The following GSDMB variants were observed in gnomAD, a reference collection of about 807,000 sequenced individuals.
GSDMB encodes the protein gasdermin B.
GSDMB carries 32 observed loss-of-function variants against 42.9 expected under a neutral mutation model. The ratio of observed to expected loss-of-function variants is 0.75; its 90% confidence interval spans 0.56 to 1.00. The LOEUF is 1.00. Among genes scored for constraint, GSDMB ranks in the 50% least tolerant of loss-of-function variants. The pLI, the probability that GSDMB is intolerant of heterozygous loss-of-function variation, is 0.00. For missense variants in GSDMB, 468 were observed against 498.5 expected (o/e 0.94, Z 0.58); for synonymous variants, 175 against 193.7 (o/e 0.90, Z 0.80).
chr17:39,907,026 C>T, intron 6 of GSDMB, 39 bp from the exon 7 acceptor site: 3 of 1,613,572 alleles, frequency 1.9e-6, no homozygotes, highest in Non-Finnish European at 2.5e-6. Context: ...ATCTTCAGAT[C>T]ACCTCCAGTC....
intron 3 of GSDMB, among the ~76,000 whole-genome samples, chr17:39,911,349 GA>G (rs1370789240): frequency 7.2e-6 from 1 of 138,060 alleles, no homozygotes; most frequent in African/African-American, 2.7e-5. Context: ...AAAAGGAAAA[GA>G]AAAAAGGTAC....
chr17:39,917,153 C>T lies in GSDMB; in HGVS notation c.164G>A (p.Gly55Asp), dbSNP rs140887150. The change falls in exon 2 of 11, where the codon GGC (glycine) becomes GAC (aspartate). Residue 55 changes from glycine (G) to aspartate (D), a missense_variant. Coordinates refer to ENST00000418519, the MANE Select transcript of GSDMB (RefSeq NM_001165958.2). ...TFFGCRHYTTGLTLMDILDTD... is the reference protein window; with the variant it reads ...TFFGCRHYTTDLTLMDILDTD... ...GTCCAGAATGTCCATCAGGGTGAGG[C>T]CTGTTGTGTAGTGCCGGCATCCAAA... is the stretch of plus-strand genomic sequence containing the variant. 9 of 1,613,992 alleles carry T rather than the reference C, an allele frequency of 5.6e-6. No individual in the cohort carries two copies. The highest frequency in any genetic ancestry group is 3.3e-5 in the Admixed American group (2 of 59,996).
At chr17:39,915,398 A>G (rs1249243819) in intron 2 of GSDMB, among the ~76,000 whole-genome samples, 2 of 152,240 alleles carry the variant, frequency 1.3e-5, no homozygotes, top group Non-Finnish European at 2.9e-5. Context: ...TTTTCTTTTT[A>G]AGTTTGGTTT....
intron 6 of GSDMB, 141 bp from the exon 7 acceptor site, chr17:39,907,128 C>A (rs883770): frequency 6.7e-7 from 1 of 1,497,066 alleles, no homozygotes; most frequent in Admixed American, 2.1e-5. Flanking sequence ...TCCTCACCAG[C>A]GTGTGTCAAT....
intron 7 of GSDMB, chr17:39,906,611 A>G: frequency 7.7e-7 from 1 of 1,301,756 alleles, no homozygotes. Context: ...GGATTTGGAG[A>G]AAGTTAAAGC....
At chr17:39,908,025 A>G (rs998394676) in intron 6 of GSDMB, 151 bp downstream of exon 6, 5 of 640,160 alleles carry the variant, frequency 7.8e-6, no homozygotes, top group African/African-American at 1.8e-5. Flanking sequence ...ACTCTTCAAC[A>G]GGCTAATTTT....
Position 39,912,326 on chromosome 17 carries a change from CT to C in GSDMB, c.406del (p.Arg136GlyfsTer3), listed in dbSNP as rs779553710. Reference protein sequence around the residue: ...SQQYLATLENRKLKRELPFSF... With the variant: ...SQQYLATLENXKLKRELPFSF... The stretch of plus-strand genomic sequence containing the variant: ...CCCTGCTGCCCAACTCCAACCTCAC[CT>C]GTTTTCAAGGGTAGCCAGATACTGC... On this transcript the variant is annotated frameshift_variant and splice_region_variant, in exon 3 of 11. Coordinates refer to ENST00000418519, the MANE Select transcript of GSDMB (RefSeq NM_001165958.2). LOFTEE classifies it high-confidence loss of function. 5 of 1,613,016 alleles carry C rather than the reference CT, an allele frequency of 3.1e-6. No homozygotes were observed. Among genetic ancestry groups the C allele is most frequent in the Non-Finnish European group, 4.2e-6 (5 of 1,179,260 alleles).
rs141629558 is a variant in GSDMB, at chr17:39,907,173, C to T, written c.701-186G>A. 9.0e-4 allele frequency: 1,277 copies of T among 1,424,502 alleles called. 15 individuals are homozygous for T. In the African/African-American group the frequency reaches 0.017, roughly 19 times the overall value. The allele number at this position is 1,424,502 out of a possible 1,614,324, so 88.2% of individuals were successfully genotyped here. ...CTGTATTTGCAGACCCTTCCCACAT[C>T]CTCAAAAACAGGCAGTCATAGGACT... is the stretch of plus-strand genomic sequence containing the variant. On this transcript the variant is annotated intron_variant, in intron 6 of 10. Coordinates refer to ENST00000418519, the MANE Select transcript of GSDMB (RefSeq NM_001165958.2).
At chr17:39,913,360 C>T (rs1023140574) in intron 2 of GSDMB, among the ~76,000 whole-genome samples, 3 of 151,950 alleles carry the variant, frequency 2.0e-5, no homozygotes, top group African/African-American at 7.3e-5. Context: ...GGGTGGCTCA[C>T]GCCTGTAATC....
Position 39,917,112 on chromosome 17 carries a change from A to G in GSDMB, c.205T>C (p.Trp69Arg). The G allele has an allele frequency of 1.2e-6, 2 of 1,613,938 alleles. No individual in the cohort carries two copies. Among genetic ancestry groups the G allele is most frequent in the Non-Finnish European group, 8.5e-7 (1 of 1,179,860 alleles). ...AGCCCAGAATCCAGTTCATCTAACCACTTGTCCCCATCTGTGTCCAGAATG... is the reference window on the plus strand; with the variant it reads ...AGCCCAGAATCCAGTTCATCTAACCGCTTGTCCCCATCTGTGTCCAGAATG... ...MDILDTDGDK[W>R]LDELDSGLQG... The change falls in exon 2 of 11, where the codon TGG becomes CGG. Residue 69 changes from tryptophan to arginine, a missense_variant. By Grantham distance (101) the Trp-to-Arg change is moderately radical (BLOSUM62 -3). Transcript: ENST00000418519.
intron 3 of GSDMB, among the ~76,000 whole-genome samples, chr17:39,912,037 G>A (rs1245555073): frequency 6.6e-6 from 1 of 152,008 alleles, no homozygotes; most frequent in Non-Finnish European, 1.5e-5. Context: ...TGAGTGAATT[G>A]GGGGCATCAG....
In GSDMB at chr17:39,913,985, G is replaced by A. The variant is rs367560800; in HGVS notation, c.236-1488C>T. Among the ~76,000 whole-genome samples the A allele has an allele frequency of 4.6e-5, 7 of 152,244 alleles. No homozygotes were observed. In the East Asian group the frequency reaches 7.7e-4, roughly 17 times the overall value. On this transcript the variant is annotated intron_variant, in intron 2 of 10. Coordinates refer to ENST00000418519, the MANE Select transcript of GSDMB (RefSeq NM_001165958.2). ...GTGTACATGAGACACTAATGTCTTA[G>A]GGACCATTTGCTTCTTGAGCAGTGT... is the stretch of plus-strand genomic sequence containing the variant.
intron 2 of GSDMB, among the ~76,000 whole-genome samples, chr17:39,913,801 C>A (rs548119292): frequency 6.6e-6 from 1 of 152,142 alleles, no homozygotes; most frequent in Non-Finnish European, 1.5e-5. Context: ...GAAGGGGCTG[C>A]GTGCCTTTGT....
chr17:39,906,636 T>G, intron 7 of GSDMB: 1 of 1,295,420 alleles, frequency 7.7e-7, no homozygotes, highest in Non-Finnish European at 9.8e-7. Context: ...GTTCTCAACC[T>G]TGACTACATG....
At position 39,917,260 on chromosome 17, in the gene GSDMB, T is replaced by A. The variant is rs1477416260; in HGVS notation, c.57A>T (p.Gly19=). 6.2e-7 allele frequency: 1 copy of A among 1,613,950 alleles called. No homozygotes were observed. Among genetic ancestry groups the A allele is most frequent in the Admixed American group, 1.7e-5 (1 of 60,018 alleles). Residue 19 remains glycine (G), a synonymous_variant, in exon 2 of 11, where the codon GGA becomes GGT. Transcript: ENST00000418519. ...TRIVVKEMDA[G]GDMIAVRSLV... ...GGCTTCTAACGGCAATCATATCCCC[T>A]CCAGCATCCATCTCCTTAACTACAA...
Position 39,917,154 on chromosome 17 carries a change from C to T in GSDMB, c.163G>A (p.Gly55Ser), listed in dbSNP as rs2063726572. 1.9e-6 allele frequency: 3 copies of T among 1,614,160 alleles called. No individual in the cohort carries two copies. The highest frequency in any genetic ancestry group is 2.5e-6 in the Non-Finnish European group (3 of 1,180,028). Residue 55 changes from glycine to serine, a missense_variant, in exon 2 of 11, where the codon GGC (glycine) becomes AGC (serine). Gly to Ser is a moderately conservative substitution (Grantham distance 56). Coordinates refer to ENST00000418519, the MANE Select transcript of GSDMB (RefSeq NM_001165958.2). ...TCCAGAATGTCCATCAGGGTGAGGC[C>T]TGTTGTGTAGTGCCGGCATCCAAAG... ...TFFGCRHYTT[G>S]LTLMDILDTD...
At chr17:39,906,514 T>C (rs2063507679) in intron 7 of GSDMB, 1 of 1,335,730 alleles carries the variant, frequency 7.5e-7, no homozygotes, top group East Asian at 2.8e-5. Context: ...CCCAAATTCT[T>C]CTCCACTTCC....
Position 39,906,274 on chromosome 17 carries a change from G to A in GSDMB, c.728-3C>T, listed in dbSNP as rs2063503825. 7 of 1,613,860 alleles carry A rather than the reference G, an allele frequency of 4.3e-6. No homozygotes were observed. Among genetic ancestry groups the A allele is most frequent in the African/African-American group, 2.7e-5 (2 of 75,006 alleles). On this transcript the variant is annotated splice_region_variant and splice_polypyrimidine_tract_variant and intron_variant, in intron 7 of 10. Coordinates refer to ENST00000418519, the MANE Select transcript of GSDMB (RefSeq NM_001165958.2). ...ATCCTCCGAACCCAAAGACTTTCCT[G>A]TAGAGGCAGCAATTGAGAACCTGGG...
chr17:39,915,913 T>C (rs1046205459), intron 2 of GSDMB, among the ~76,000 whole-genome samples: 5 of 152,214 alleles, frequency 3.3e-5, no homozygotes, highest in African/African-American at 1.2e-4. Flanking sequence ...AGGTCTGAGC[T>C]ATGAGCGCCT....
Sources: allele counts gnomAD v4.1 joint callset (sites outside exome capture counted in the v4.1 genomes callset), GRCh38; gene constraint gnomAD v4.1.1; transcripts MANE v1.5; gene names NCBI Gene and HGNC (gene_info 2026-07-23, HGNC 2026-07-21).